The following TXNDC9 variants were observed in gnomAD, a reference collection of about 807,000 sequenced individuals.
TXNDC9 encodes thioredoxin domain containing 9, also known as thioredoxin domain-containing protein 9.
In TXNDC9, 7 loss-of-function variants were observed where a neutral mutation model predicts 23.0. That is an observed-to-expected ratio of 0.30 (90% CI 0.17 to 0.57). TXNDC9 has a LOEUF of 0.57. TXNDC9 is among the 20% of genes least tolerant of loss of function. The pLI, the probability that TXNDC9 is intolerant of heterozygous loss-of-function variation, is 0.90. For missense variants in TXNDC9, 198 were observed against 252.6 expected (o/e 0.78, Z 1.47); for synonymous variants, 72 against 90.6 (o/e 0.79, Z 1.17).
intron 4 of TXNDC9, among the ~76,000 whole-genome samples, chr2:99,320,616 T>A (rs137928717): frequency 2.6e-5 from 4 of 152,338 alleles, no homozygotes; most frequent in Admixed American, 6.5e-5. Context: ...GGACAATTAT[T>A]GGGACAATGA....
chr2:99,335,520 C>T (rs2094236718), intron 1 of TXNDC9, among the ~76,000 whole-genome samples: 4 of 151,614 alleles, frequency 2.6e-5, no homozygotes, highest in South Asian at 2.1e-4. Context: ...CTCGTGAGTG[C>T]TATAAAATTG....
chr2:99,330,290 C>CAAAGAAAAA (rs2094221731), intron 2 of TXNDC9, among the ~76,000 whole-genome samples: 1 of 28,160 alleles, frequency 3.6e-5, no homozygotes, highest in African/African-American at 1.5e-4. Context: ...ACTCTTATCT[C>CAAAGAAAAA]AAAAAAAAAA....
chr2:99,321,801 A>G, intron 4 of TXNDC9, 154 bp downstream of exon 4: 2 of 853,768 alleles, frequency 2.3e-6, no homozygotes, highest in Non-Finnish European at 1.7e-6. Flanking sequence ...AATATTACAC[A>G]CTTCAAAAAA....
the TXNDC9 span, among the ~76,000 whole-genome samples, chr2:99,310,484 A>G: frequency 6.6e-6 from 1 of 152,140 alleles, no homozygotes; most frequent in Non-Finnish European, 1.5e-5. Context: ...GTGGTTTTCA[A>G]TGGCTGCTCA....
chr2:99,312,038 G>T, the TXNDC9 span, among the ~76,000 whole-genome samples: 52 of 151,902 alleles, frequency 3.4e-4, no homozygotes, highest in African/African-American at 1.3e-3. Context: ...AGGCTGAGGG[G>T]GCTCAGGCCC....
At chr2:99,308,587 G>A in the TXNDC9 span, among the ~76,000 whole-genome samples, 2 of 152,098 alleles carry the variant, frequency 1.3e-5, no homozygotes, top group Non-Finnish European at 2.9e-5. Context: ...ATGTGTGTGT[G>A]TGTGTGTACG....
chr2:99,322,521 G>A, intron 3 of TXNDC9: 2 of 1,466,620 alleles, frequency 1.4e-6, no homozygotes, highest in African/African-American at 1.4e-5. Context: ...AACTTGAAGA[G>A]GAACAAACTG....
intron 3 of TXNDC9, among the ~76,000 whole-genome samples, chr2:99,327,116 G>C (rs985397237): frequency 6.6e-6 from 1 of 151,116 alleles, no homozygotes; most frequent in Non-Finnish European, 1.5e-5. Flanking sequence ...TCTATCGCTC[G>C]AGCTGAAGTG....
chr2:99,312,364 G>A, the TXNDC9 span, among the ~76,000 whole-genome samples: 1 of 151,982 alleles, frequency 6.6e-6, no homozygotes, highest in African/African-American at 2.4e-5. Flanking sequence ...GGGCGTGATG[G>A]TACATGCTTG....
chr2:99,313,018 C>T, the TXNDC9 span, among the ~76,000 whole-genome samples: 5 of 151,728 alleles, frequency 3.3e-5, no homozygotes, highest in Non-Finnish European at 5.9e-5. Flanking sequence ...CAAAATTAGC[C>T]GGGTGTGGTG....
chr2:99,318,437 G>A (rs1210796585), downstream of TXNDC9, among the ~76,000 whole-genome samples: 2 of 152,192 alleles, frequency 1.3e-5, no homozygotes, highest in African/African-American at 2.4e-5. Flanking sequence ...GCCTCCCAAA[G>A]TGCTGGGATT....
downstream of TXNDC9, among the ~76,000 whole-genome samples, chr2:99,318,326 T>G (rs1247831941): frequency 6.6e-6 from 1 of 152,170 alleles, no homozygotes; most frequent in East Asian, 1.9e-4. Context: ...CCTCATTCTA[T>G]TCTAGTCAGT....
intron 2 of TXNDC9, among the ~76,000 whole-genome samples, chr2:99,330,318 A>AAAAAAAAAAAAAC (rs1238678566): frequency 1.4e-5 from 2 of 145,446 alleles, no homozygotes; most frequent in Non-Finnish European, 3.0e-5. Flanking sequence ...AAAAAAAAAA[A>AAAAAAAAAAAAAC]AGCTGCTATT....
At position 99,329,507 on chromosome 2, in the gene TXNDC9, C is replaced by T. The variant is rs192306697; in HGVS notation, c.190-1854G>A. Among the ~76,000 whole-genome samples the T allele has an allele frequency of 5.3e-5, 8 of 152,278 alleles. No individual in the cohort carries two copies. The East Asian group carries it at 5.8e-4, about 11-fold the overall frequency. On this transcript the variant is annotated intron_variant, in intron 2 of 4. Coordinates refer to ENST00000264255, the MANE Select transcript of TXNDC9 (RefSeq NM_005783.4). The stretch of plus-strand genomic sequence containing the variant: ...GTGGCCCAGACTATATTGATGACTG[C>T]GGTGTCAAAATCACATCCATTTACA...
intron 2 of TXNDC9, among the ~76,000 whole-genome samples, chr2:99,331,689 A>G (rs968355789): frequency 4.6e-5 from 7 of 152,200 alleles, no homozygotes; most frequent in African/African-American, 1.7e-4. Context: ...ATGAGGGTGT[A>G]AACATATCAA....
At chr2:99,330,825 T>C (rs2094223662) in intron 2 of TXNDC9, among the ~76,000 whole-genome samples, 1 of 152,242 alleles carries the variant, frequency 6.6e-6, no homozygotes, top group Non-Finnish European at 1.5e-5. Context: ...TAATCTCTTA[T>C]AAAAAGAATA....
the TXNDC9 span, among the ~76,000 whole-genome samples, chr2:99,312,503 A>G: frequency 2.6e-5 from 4 of 152,010 alleles, no homozygotes; most frequent in Non-Finnish European, 5.9e-5. Flanking sequence ...TCTCAAAAAA[A>G]AAAAAAAAAA....
intron 4 of TXNDC9, chr2:99,321,159 T>A (rs2094200775): frequency 6.6e-6 from 1 of 152,102 alleles, no homozygotes; most frequent in Admixed American, 6.6e-5. Flanking sequence ...ATAGGAATGA[T>A]TTCGGCATGT....
chr2:99,315,700 G>A (rs2094187687), downstream of TXNDC9, among the ~76,000 whole-genome samples: 1 of 152,180 alleles, frequency 6.6e-6, no homozygotes, highest in South Asian at 2.1e-4. Context: ...ATCGCATAAA[G>A]GAGGGGTCAA....
Sources: gnomAD v4.1 joint callset for allele counts (sites outside exome capture counted in the v4.1 genomes callset) on GRCh38, gnomAD v4.1.1 for gene constraint, MANE v1.5 for transcripts, NCBI Gene and HGNC (gene_info 2026-07-23, HGNC 2026-07-21) for gene names.